ODR4: variants seen among roughly 807,000 people sequenced by gnomAD.
ODR4 encodes protein odr-4 homolog.
Under a neutral mutation model 60.2 loss-of-function variants are expected in ODR4, and 47 were observed. That is an observed-to-expected ratio of 0.78 (90% CI 0.62 to 1.00). The LOEUF (loss-of-function observed/expected upper bound fraction) is 1.00. Among genes scored for constraint, ODR4 ranks in the 50% least tolerant of loss-of-function variants. The pLI, the probability that ODR4 is intolerant of heterozygous loss-of-function variation, is 0.00. For synonymous variants in ODR4, 178 were observed against 175.5 expected, an observed-to-expected ratio of 1.01 and a Z score of -0.11; for missense variants, 488 against 530.8, an observed-to-expected ratio of 0.92 and a Z score of 0.79.
At chr1:186,394,523 G>T (rs532836391) in intron 9 of ODR4, among the ~76,000 whole-genome samples, 35 of 152,174 alleles carry the variant, frequency 2.3e-4, no homozygotes, top group Non-Finnish European at 4.4e-4. Flanking sequence ...ATATCTTAAA[G>T]AATAAAAAGT....
intron 12 of ODR4, among the ~76,000 whole-genome samples, chr1:186,408,701 A>G (rs1042503460): frequency 1.3e-5 from 2 of 150,770 alleles, no homozygotes; most frequent in African/African-American, 4.8e-5. Flanking sequence ...AATATAAAAT[A>G]TATCATGTTT....
At chr1:186,391,481 G>A (rs1033969761) in intron 7 of ODR4, among the ~76,000 whole-genome samples, 1 of 150,954 alleles carries the variant, frequency 6.6e-6, no homozygotes, top group Non-Finnish European at 1.5e-5. Flanking sequence ...GTTATTCTGG[G>A]ATAAAGATCA....
the ODR4 span, among the ~76,000 whole-genome samples, chr1:186,428,706 T>C: frequency 6.6e-6 from 1 of 152,226 alleles, no homozygotes; most frequent in Non-Finnish European, 1.5e-5. Flanking sequence ...GAGAGACATA[T>C]ACCTCTTTCT....
At chr1:186,423,486 GCT>G (rs1661832520), downstream of ODR4, among the ~76,000 whole-genome samples, 3 of 112,818 alleles carry the variant, frequency 2.7e-5, no homozygotes, top group East Asian at 3.0e-4. Context: ...ATGGAGTCTC[GCT>G]CTGTCACCCA....
chr1:186,419,077 G>T lies in ODR4; in HGVS notation c.*1G>T. On this transcript the variant is annotated 3_prime_UTR_variant, in exon 14 of 14. Coordinates refer to ENST00000287859, the MANE Select transcript of ODR4 (RefSeq NM_017847.6). ...CTCCTTTCATTACTTCAGTGATTAG[G>T]GTGAGGCACAAAGAGTTTCTTGATC... 1.2e-6 allele frequency: 2 copies of T among 1,608,634 alleles called. No homozygotes were observed. The highest frequency in any genetic ancestry group is 8.5e-7 in the Non-Finnish European group (1 of 1,176,932).
At chr1:186,430,255 A>G in the ODR4 span, among the ~76,000 whole-genome samples, 1 of 152,174 alleles carries the variant, frequency 6.6e-6, no homozygotes, top group Admixed American at 6.5e-5. Context: ...TAGGTATTTT[A>G]TTTACTTAAC....
At chr1:186,376,427 C>T (rs1411851142) in intron 1 of ODR4, among the ~76,000 whole-genome samples, 1 of 152,154 alleles carries the variant, frequency 6.6e-6, no homozygotes, top group Non-Finnish European at 1.5e-5. Context: ...CGTGTTTACT[C>T]TTATGAAAGA....
intron 1 of ODR4, 75 bp from the exon 2 acceptor site, chr1:186,379,692 T>G (rs1261855009): frequency 1.7e-5 from 13 of 766,394 alleles, no homozygotes; most frequent in Non-Finnish European, 2.3e-5. Context: ...CTTCTCTTGC[T>G]AAACTACTCC....
Position 186,393,801 on chromosome 1 carries a change from G to T in ODR4, c.712-146G>T, listed in dbSNP as rs948658417. On this transcript the variant is annotated intron_variant, in intron 8 of 13. Transcript: ENST00000287859. ...TGTACATTGATACAGAATACATAAA[G>T]TAATATCTATATAAAAAGCTAAATT... The T allele has an allele frequency of 1.0e-5, 6 of 599,464 alleles. No homozygotes were observed. The African/African-American group carries it at 1.1e-4, about 11-fold the overall frequency. 37.1% of individuals were successfully genotyped at this position (599,464 alleles called of 1,614,324 possible). A position where few individuals can be genotyped will look rare whatever the true frequency, so the allele number is the denominator to read the frequency against.
chr1:186,383,504 G>A (rs1402332960), intron 3 of ODR4, among the ~76,000 whole-genome samples: 2 of 152,058 alleles, frequency 1.3e-5, no homozygotes, highest in African/African-American at 2.4e-5. Context: ...GTCAATAGGT[G>A]CAGCAAGCCA....
In ODR4 at chr1:186,379,757, T is replaced by C; in HGVS notation, c.-19-10T>C. On this transcript the variant is annotated splice_polypyrimidine_tract_variant and intron_variant, in intron 1 of 13. Coordinates refer to ENST00000287859, the MANE Select transcript of ODR4 (RefSeq NM_017847.6). ...ACCTAAATGCTGTATCTTTTCTTCT[T>C]GTGATATAGGAGATTTTAGTTCCTA... The C allele has an allele frequency of 7.3e-7, 1 of 1,367,718 alleles. No homozygotes were observed. The highest frequency in any genetic ancestry group is 1.0e-6 in the Non-Finnish European group (1 of 982,846). 84.7% of individuals were successfully genotyped at this position (1,367,718 alleles called of 1,614,324 possible). A position where few individuals can be genotyped will look rare whatever the true frequency, so the allele number is the denominator to read the frequency against.
the ODR4 span, among the ~76,000 whole-genome samples, chr1:186,430,059 T>G: frequency 6.6e-6 from 1 of 152,158 alleles, no homozygotes; most frequent in Non-Finnish European, 1.5e-5. Flanking sequence ...ATTGGATTTT[T>G]ATAACAGTTT....
At chr1:186,385,483 T>A (rs745502100) in intron 3 of ODR4, among the ~76,000 whole-genome samples, 1 of 151,488 alleles carries the variant, frequency 6.6e-6, no homozygotes, top group Non-Finnish European at 1.5e-5. Flanking sequence ...GAAGGCAGCT[T>A]CCTCAAGCTG....
chr1:186,400,321 T>C (rs1399099303), intron 11 of ODR4, among the ~76,000 whole-genome samples: 2 of 151,204 alleles, frequency 1.3e-5, no homozygotes, highest in Non-Finnish European at 2.9e-5. Flanking sequence ...TGTTAGTGGA[T>C]TTGCAATTCA....
chr1:186,399,048 T>G lies in ODR4; in HGVS notation c.1000+4T>G. Reference sequence around the variant, plus strand: ...AATGAAATTCCAGAAAAAAAAGTTATGAGTATAAAATAAGTACTTTTTTGC... The same window carrying G: ...AATGAAATTCCAGAAAAAAAAGTTAGGAGTATAAAATAAGTACTTTTTTGC... On this transcript the variant is annotated splice_donor_region_variant and intron_variant, in intron 11 of 13. Transcript: ENST00000287859. The G allele has an allele frequency of 6.3e-7, 1 of 1,594,892 alleles. No homozygotes were observed. The highest frequency in any genetic ancestry group is 8.6e-7 in the Non-Finnish European group (1 of 1,165,878).
chr1:186,385,355 A>G (rs1660213063), intron 3 of ODR4, among the ~76,000 whole-genome samples: 2 of 149,678 alleles, frequency 1.3e-5, no homozygotes, highest in Admixed American at 1.4e-4. Flanking sequence ...TATTCCCTTA[A>G]GGAGCTCCCT....
chr1:186,432,489 A>G, the ODR4 span, among the ~76,000 whole-genome samples: 4 of 152,292 alleles, frequency 2.6e-5, no homozygotes, highest in Admixed American at 6.5e-5. Flanking sequence ...ACTTATAAAT[A>G]CATCTAGGCC....
intron 2 of ODR4, among the ~76,000 whole-genome samples, chr1:186,380,842 C>T (rs1659993593): frequency 6.6e-6 from 1 of 152,230 alleles, no homozygotes; most frequent in African/African-American, 2.4e-5. Flanking sequence ...ATAAAGAATA[C>T]ACTGTCCAGA....
At chr1:186,399,521 T>C (rs1163895418) in intron 11 of ODR4, among the ~76,000 whole-genome samples, 4 of 99,298 alleles carry the variant, frequency 4.0e-5, no homozygotes, top group Non-Finnish European at 9.3e-5. Flanking sequence ...AGAAAAACGT[T>C]TTAGAACACT....
Sources: gnomAD v4.1 joint callset for allele counts (sites outside exome capture counted in the v4.1 genomes callset) on GRCh38, gnomAD v4.1.1 for gene constraint, MANE v1.5 for transcripts, NCBI Gene and HGNC (gene_info 2026-07-23, HGNC 2026-07-21) for gene names.